Variants in PTPN4 observed in about 807,000 individuals in gnomAD.
The protein encoded by PTPN4 is tyrosine-protein phosphatase non-receptor type 4.
PTPN4 carries 49 observed loss-of-function variants against 135.5 expected under a neutral mutation model. That is an observed-to-expected ratio of 0.36 (90% CI 0.29 to 0.46). The LOEUF (loss-of-function observed/expected upper bound fraction) is 0.46, where lower values mean the gene tolerates loss of function less well. Among genes scored for constraint, PTPN4 ranks in the 20% least tolerant of loss-of-function variants. PTPN4 has a pLI of 1.00. For missense variants in PTPN4, 860 were observed against 1,101.0 expected (o/e 0.78, Z 3.10); for synonymous variants, 333 against 369.9 (o/e 0.90, Z 1.14).
intron 1 of PTPN4, among the ~76,000 whole-genome samples, chr2:119,775,280 A>G (rs1451604840): frequency 6.6e-6 from 1 of 151,962 alleles, no homozygotes; most frequent in East Asian, 1.9e-4. Flanking sequence ...CCTTGATGGG[A>G]TAAGGTAAAT....
At chr2:119,852,733 G>C (rs886319917) in intron 2 of PTPN4, among the ~76,000 whole-genome samples, 1 of 151,710 alleles carries the variant, frequency 6.6e-6, no homozygotes, top group African/African-American at 2.4e-5. Context: ...CTTGATTTGA[G>C]ACCTTCCCTT....
chr2:119,891,545 G>A (rs556421296), intron 9 of PTPN4, among the ~76,000 whole-genome samples: 1 of 152,010 alleles, frequency 6.6e-6, no homozygotes, highest in Non-Finnish European at 1.5e-5. Flanking sequence ...GGCTGGTCTC[G>A]AACTCCTGAC....
intron 11 of PTPN4, among the ~76,000 whole-genome samples, chr2:119,919,832 A>G (rs901168067): frequency 6.6e-6 from 1 of 151,900 alleles, no homozygotes; most frequent in Non-Finnish European, 1.5e-5. Context: ...TCAAAAAAAA[A>G]AAAAAAAAAA....
intron 1 of PTPN4, among the ~76,000 whole-genome samples, chr2:119,803,248 G>C (rs929334312): frequency 6.6e-6 from 1 of 151,886 alleles, no homozygotes; most frequent in Admixed American, 6.6e-5. Flanking sequence ...CATTGTCTAG[G>C]TTCTTGAGGA....
At chr2:119,836,017 C>T (rs577157549) in intron 2 of PTPN4, among the ~76,000 whole-genome samples, 5 of 151,016 alleles carry the variant, frequency 3.3e-5, no homozygotes, top group South Asian at 2.1e-4. Context: ...TGCAGTGAGC[C>T]GAGATCACGC....
intron 5 of PTPN4, among the ~76,000 whole-genome samples, chr2:119,879,777 A>G (rs938123166): frequency 2.0e-5 from 3 of 152,138 alleles, no homozygotes; most frequent in East Asian, 3.9e-4. Context: ...AGGAAACAGG[A>G]AATCTGCTGC....
chr2:119,961,297 T>C (rs1465968019), intron 23 of PTPN4, among the ~76,000 whole-genome samples: 1 of 152,152 alleles, frequency 6.6e-6, no homozygotes, highest in Non-Finnish European at 1.5e-5. Flanking sequence ...AAAGAAGATA[T>C]ACAAATGGCT....
intron 2 of PTPN4, among the ~76,000 whole-genome samples, chr2:119,819,529 A>G (rs1049849724): frequency 1.3e-5 from 2 of 152,204 alleles, no homozygotes; most frequent in African/African-American, 4.8e-5. Context: ...TAGGACTTAG[A>G]TCTCAGTTAA....
At chr2:119,871,487 C>T (rs1365298673) in intron 3 of PTPN4, among the ~76,000 whole-genome samples, 3 of 151,908 alleles carry the variant, frequency 2.0e-5, no homozygotes, top group Admixed American at 6.6e-5. Context: ...GAACCACTTG[C>T]GCTCAGGAGT....
Position 119,862,550 on chromosome 2 carries a change from G to A in PTPN4, c.153G>A (p.Gly51=). The A allele has an allele frequency of 6.2e-7, 1 of 1,609,962 alleles. No homozygotes were observed. The change falls in exon 3 of 27, where the codon GGG becomes GGA. Residue 51 remains glycine, a synonymous_variant. Transcript: ENST00000263708. ...TTTTTTTACAGAAACATGATCAGGG[G>A]CAAGTCTTGTTGGATGTCGTCTTCA... is the stretch of plus-strand genomic sequence containing the variant. ...QAFKVNKHDQ[G]QVLLDVVFKH... is the part of the protein sequence containing the mutation.
At chr2:119,939,329 C>G (rs563361609) in intron 15 of PTPN4, among the ~76,000 whole-genome samples, 52 of 152,286 alleles carry the variant, frequency 3.4e-4, no homozygotes, top group African/African-American at 1.2e-3. Context: ...GGGACAGGGT[C>G]TTGCTCTGTT....
intron 2 of PTPN4, among the ~76,000 whole-genome samples, chr2:119,852,839 G>T (rs532370141): frequency 3.6e-4 from 55 of 151,872 alleles, no homozygotes; most frequent in Non-Finnish European, 6.5e-4. Context: ...TTTCAGTTCA[G>T]TGGTTTTTTT....
chr2:119,796,408 A>G (rs1033835596), intron 1 of PTPN4, among the ~76,000 whole-genome samples: 1 of 152,122 alleles, frequency 6.6e-6, no homozygotes, highest in African/African-American at 2.4e-5. Context: ...GTCTATCACC[A>G]TAGCTTTGTT....
At chr2:119,838,975 C>A (rs1380000683) in intron 2 of PTPN4, among the ~76,000 whole-genome samples, 1 of 152,010 alleles carries the variant, frequency 6.6e-6, no homozygotes, top group African/African-American at 2.4e-5. Context: ...TTGCCTTTTG[C>A]CTGTGAGTTT....
chr2:119,765,941 C>CGT (rs1464794711), intron 1 of PTPN4, among the ~76,000 whole-genome samples: 6 of 148,986 alleles, frequency 4.0e-5, no homozygotes, highest in African/African-American at 7.6e-5. Context: ...TGTGCGCGCG[C>CGT]GCATGTGCGT....
intron 5 of PTPN4, among the ~76,000 whole-genome samples, chr2:119,878,330 T>G (rs1027087584): frequency 2.0e-5 from 3 of 152,186 alleles, no homozygotes; most frequent in African/African-American, 7.2e-5. Context: ...GAATTAGTAA[T>G]GAGTTATTTT....
chr2:119,879,744 T>A (rs1678043291), intron 5 of PTPN4, among the ~76,000 whole-genome samples: 1 of 152,064 alleles, frequency 6.6e-6, no homozygotes, highest in African/African-American at 2.4e-5. Context: ...AGCTGCTAAG[T>A]TTTCAGAACT....
intron 1 of PTPN4, among the ~76,000 whole-genome samples, chr2:119,805,505 A>G (rs1467422015): frequency 6.6e-6 from 1 of 152,204 alleles, no homozygotes; most frequent in Non-Finnish European, 1.5e-5. Flanking sequence ...AGCTTTCTAC[A>G]TATGGCTAGC....
intron 10 of PTPN4, among the ~76,000 whole-genome samples, chr2:119,911,866 G>C (rs901703196): frequency 6.6e-6 from 1 of 152,120 alleles, no homozygotes; most frequent in African/African-American, 2.4e-5. Context: ...CTGTTCTGTA[G>C]TTTCTTAAAA....
Sources: allele counts gnomAD v4.1 joint callset (sites outside exome capture counted in the v4.1 genomes callset), GRCh38; gene constraint gnomAD v4.1.1; transcripts MANE v1.5; gene names NCBI Gene and HGNC (gene_info 2026-07-23, HGNC 2026-07-21).